The following KCNU1 variants were observed in gnomAD, a reference collection of about 807,000 sequenced individuals.
KCNU1 encodes potassium channel subfamily U member 1.
Under a neutral mutation model 126.8 loss-of-function variants are expected in KCNU1, and 93 were observed. That is an observed-to-expected ratio of 0.73 (90% CI 0.62 to 0.87). The LOEUF is 0.87. KCNU1 is among the 40% of genes least tolerant of loss of function. The probability of loss-of-function intolerance (pLI) is 0.00; values close to 1 mark genes in which losing one functional copy is unlikely to be tolerated. For missense variants in KCNU1, 1,330 were observed against 1,367.1 expected (o/e 0.97, Z 0.43); for synonymous variants, 523 against 494.2 (o/e 1.06, Z -0.77).
intron 18 of KCNU1, 115 bp from the exon 19 acceptor site, chr8:36,864,289 G>T: frequency 1.4e-6 from 1 of 702,352 alleles, no homozygotes; most frequent in Non-Finnish European, 2.6e-6. Flanking sequence ...CTGTAGCTGA[G>T]ACTCCCCAGC....
chr8:36,921,404 C>A lies in KCNU1; in HGVS notation c.2597-1086C>A, dbSNP rs77518506. Among the ~76,000 whole-genome samples, 68 of 152,168 alleles carry A rather than the reference C, an allele frequency of 4.5e-4. 1 individual carries two copies. The highest frequency in any genetic ancestry group is 1.5e-3 in the African/African-American group (62 of 41,530). ...CTTCCAATGCTGTTCTTAAGACAAA[C>A]GTTCTTGAAAGAAGATTCTAGAAAC... On this transcript the variant is annotated intron_variant, in intron 23 of 26. Transcript: ENST00000399881.
At chr8:36,934,592 A>G (rs1267537758) in intron 26 of KCNU1, among the ~76,000 whole-genome samples, 6 of 152,152 alleles carry the variant, frequency 3.9e-5, no homozygotes, top group Admixed American at 2.0e-4. Flanking sequence ...TTTAAACAGA[A>G]TATGTGATCT....
At chr8:36,818,988 A>G (rs1804027315) in intron 10 of KCNU1, among the ~76,000 whole-genome samples, 2 of 152,224 alleles carry the variant, frequency 1.3e-5, no homozygotes, top group Non-Finnish European at 2.9e-5. Flanking sequence ...TTATAATCCA[A>G]TTGAGACAGA....
At chr8:36,841,650 C>T (rs1289851769) in intron 16 of KCNU1, among the ~76,000 whole-genome samples, 2 of 152,108 alleles carry the variant, frequency 1.3e-5, no homozygotes, top group African/African-American at 4.8e-5. Context: ...GAGCTGAGTT[C>T]ACACCACTGC....
chr8:36,786,372 C>A (rs550185312), intron 1 of KCNU1, among the ~76,000 whole-genome samples: 1 of 152,018 alleles, frequency 6.6e-6, no homozygotes, highest in South Asian at 2.1e-4. Context: ...ATTTAGAAAC[C>A]GACATGAGTC....
At chr8:36,838,514 A>G (rs1168431979) in intron 14 of KCNU1, among the ~76,000 whole-genome samples, 1 of 152,078 alleles carries the variant, frequency 6.6e-6, no homozygotes, top group Non-Finnish European at 1.5e-5. Flanking sequence ...AACGTAGTGA[A>G]ACCCTGTCTC....
intron 24 of KCNU1, among the ~76,000 whole-genome samples, chr8:36,926,269 C>T (rs1346624383): frequency 2.6e-5 from 4 of 152,124 alleles, no homozygotes; most frequent in Admixed American, 2.0e-4. Flanking sequence ...AGAGTCATTC[C>T]TCGCTGCCGC....
chr8:36,892,204 G>A (rs1481598967), intron 19 of KCNU1, among the ~76,000 whole-genome samples: 1 of 151,930 alleles, frequency 6.6e-6, no homozygotes, highest in African/African-American at 2.4e-5. Context: ...TTATATTCAA[G>A]CTCATTTATT....
intron 24 of KCNU1, among the ~76,000 whole-genome samples, chr8:36,924,341 A>C (rs575414133): frequency 9.8e-5 from 15 of 152,318 alleles, no homozygotes; most frequent in South Asian, 6.2e-4. Context: ...GAGAGGCATC[A>C]TGCCTGAATT....
At position 36,785,557 on chromosome 8, in the gene KCNU1, A is replaced by G. The variant is rs1802683227; in HGVS notation, c.195+952A>G. On this transcript the variant is annotated intron_variant, in intron 1 of 26. Coordinates refer to ENST00000399881, the MANE Select transcript of KCNU1 (RefSeq NM_001031836.3). The stretch of plus-strand genomic sequence containing the variant: ...GTTTTCCATATTTGAAAATTATCCA[A>G]TACTGAAGCTTATAGATTTTGTTCC... Among the ~76,000 whole-genome samples, 4 of 152,212 alleles carry G rather than the reference A, an allele frequency of 2.6e-5. No homozygotes were observed. In the South Asian group the frequency reaches 6.2e-4, roughly 24 times the overall value.
At chr8:36,829,764 T>C (rs1804461952) in intron 10 of KCNU1, among the ~76,000 whole-genome samples, 1 of 151,318 alleles carries the variant, frequency 6.6e-6, no homozygotes, top group African/African-American at 2.4e-5. Context: ...CTGGGTTTAT[T>C]CATTTATTTA....
chr8:36,857,986 C>T (rs188214283), intron 18 of KCNU1, among the ~76,000 whole-genome samples: 1 of 152,004 alleles, frequency 6.6e-6, no homozygotes, highest in African/African-American at 2.4e-5. Flanking sequence ...AGAACAATTT[C>T]TAGAGATTTT....
In KCNU1 at chr8:36,904,678, C is replaced by A. The variant is rs529665273; in HGVS notation, c.2010-1030C>A. On this transcript the variant is annotated intron_variant, in intron 19 of 26. Coordinates refer to ENST00000399881, the MANE Select transcript of KCNU1 (RefSeq NM_001031836.3). ...TGTGAGGAGAAATGAAGTGAGTCACCCTGAGCCAAGGCAGTTAGAGGCCTA... is the reference window on the plus strand; with the variant it reads ...TGTGAGGAGAAATGAAGTGAGTCACACTGAGCCAAGGCAGTTAGAGGCCTA... Among the ~76,000 whole-genome samples, 6 of 152,158 alleles carry A rather than the reference C, an allele frequency of 3.9e-5. No homozygotes were observed. The East Asian group carries it at 7.8e-4, about 20-fold the overall frequency.
chr8:36,798,582 G>A (rs1348060333), intron 2 of KCNU1, among the ~76,000 whole-genome samples: 1 of 152,118 alleles, frequency 6.6e-6, no homozygotes, highest in Non-Finnish European at 1.5e-5. Context: ...TTGTCTCTGA[G>A]GGCAGCCATC....
chr8:36,865,846 C>G (rs1465105830), intron 19 of KCNU1, among the ~76,000 whole-genome samples: 2 of 150,770 alleles, frequency 1.3e-5, no homozygotes, highest in Admixed American at 6.6e-5. Context: ...ATTATTCACT[C>G]CTAATAAAGA....
chr8:36,933,737 G>A (rs538096953), intron 26 of KCNU1, among the ~76,000 whole-genome samples: 2 of 152,210 alleles, frequency 1.3e-5, no homozygotes, highest in African/African-American at 2.4e-5. Flanking sequence ...AAAGTGGAGT[G>A]GTCTTGAATA....
rs1804943099 is a variant in KCNU1, at chr8:36,841,135, A to G, written c.1703+132A>G. 3 of 659,024 alleles carry G rather than the reference A, an allele frequency of 4.6e-6. No individual in the cohort carries two copies. In the African/African-American group the frequency reaches 5.7e-5, roughly 13 times the overall value. The allele number at this position is 659,024 out of a possible 1,614,324, so 40.8% of individuals were successfully genotyped here. A position where few individuals can be genotyped will look rare whatever the true frequency, so the allele number is the denominator to read the frequency against. On this transcript the variant is annotated intron_variant, in intron 16 of 26. Transcript: ENST00000399881. Reference sequence around the variant, plus strand: ...CTTTTTCCCTTTGGTGGATTGGCTGAGAGGCAGCCTCTGGGGCTCTCTGGC... The same window carrying G: ...CTTTTTCCCTTTGGTGGATTGGCTGGGAGGCAGCCTCTGGGGCTCTCTGGC...
chr8:36,913,792 G>C (rs957538326), intron 22 of KCNU1, among the ~76,000 whole-genome samples: 2 of 151,788 alleles, frequency 1.3e-5, no homozygotes, highest in South Asian at 2.1e-4. Flanking sequence ...TAGTAGAGAC[G>C]GGGTTTCACC....
At position 36,910,938 on chromosome 8, in the gene KCNU1, A is replaced by C. The variant is rs956982109; in HGVS notation, c.2340A>C (p.Ala780=). The change falls in exon 22 of 27, where the codon GCA becomes GCC. Residue 780 remains alanine (A), a synonymous_variant. Coordinates refer to ENST00000399881, the MANE Select transcript of KCNU1 (RefSeq NM_001031836.3). ...TCTTTTCCTCTCATTAGGGATGTGC[A>C]CTTTATTCTGGAGACCTCCATGCGG... is the stretch of plus-strand genomic sequence containing the variant. ...FPQIYILPGC[A]LYSGDLHAAN... is the part of the protein sequence containing the mutation. 11 of 1,608,522 alleles carry C rather than the reference A, an allele frequency of 6.8e-6. No individual in the cohort carries two copies. In the African/African-American group the frequency reaches 1.3e-4, roughly 20 times the overall value.
Sources: gnomAD v4.1 joint callset for allele counts (sites outside exome capture counted in the v4.1 genomes callset) on GRCh38, gnomAD v4.1.1 for gene constraint, MANE v1.5 for transcripts, NCBI Gene and HGNC (gene_info 2026-07-23, HGNC 2026-07-21) for gene names.